The following RBMS3 variants were observed in gnomAD, a reference collection of about 807,000 sequenced individuals.
RBMS3 encodes RNA binding motif single stranded interacting protein 3.
RBMS3 carries 27 observed loss-of-function variants against 66.8 expected under a neutral mutation model. The ratio of observed to expected loss-of-function variants is 0.40; its 90% CI spans 0.30 to 0.56. The LOEUF (loss-of-function observed/expected upper bound fraction) is 0.56. RBMS3 is among the 20% of genes least tolerant of loss of function. The probability of loss-of-function intolerance (pLI) is 0.40; values close to 1 mark genes in which losing one functional copy is unlikely to be tolerated. For missense variants in RBMS3, 513 were observed against 549.5 expected, an observed-to-expected ratio of 0.93 and a Z score of 0.66; for synonymous variants, 188 against 183.0, an observed-to-expected ratio of 1.03 and a Z score of -0.22.
intron 6 of RBMS3, among the ~76,000 whole-genome samples, chr3:29,831,347 G>C (rs921751518): frequency 3.3e-5 from 5 of 152,072 alleles, no homozygotes; most frequent in African/African-American, 1.2e-4. Flanking sequence ...CTTGGTCATT[G>C]TCCCACATGG....
At chr3:29,644,358 T>C (rs1376038049) in intron 4 of RBMS3, among the ~76,000 whole-genome samples, 1 of 152,236 alleles carries the variant, frequency 6.6e-6, no homozygotes, top group Non-Finnish European at 1.5e-5. Context: ...ACAATGCTTT[T>C]ATTCCAGTAA....
chr3:29,608,723 A>G (rs2048393378), intron 4 of RBMS3, among the ~76,000 whole-genome samples: 1 of 152,060 alleles, frequency 6.6e-6, no homozygotes, highest in East Asian at 1.9e-4. Flanking sequence ...AAAACTGCTT[A>G]GGGAAAGTAT....
chr3:29,340,503 G>T (rs2036221047), intron 1 of RBMS3, among the ~76,000 whole-genome samples: 1 of 152,102 alleles, frequency 6.6e-6, no homozygotes, highest in African/African-American at 2.4e-5. Flanking sequence ...CAAATAAATT[G>T]AGTTTAATGA....
At chr3:29,913,348 A>G (rs530159269) in intron 10 of RBMS3, among the ~76,000 whole-genome samples, 1 of 152,006 alleles carries the variant, frequency 6.6e-6, no homozygotes, top group Admixed American at 6.6e-5. Context: ...CTATATCATC[A>G]GCAGAGAAAA....
intron 4 of RBMS3, among the ~76,000 whole-genome samples, chr3:29,638,671 G>A (rs2049565624): frequency 6.6e-6 from 1 of 151,794 alleles, no homozygotes; most frequent in Non-Finnish European, 1.5e-5. Flanking sequence ...TGCATTTTAG[G>A]TGAATGTTTT....
In RBMS3 at chr3:30,007,126, A is replaced by T. The variant is rs574325128; in HGVS notation, c.*3264A>T. 1 of 152,196 alleles carries T rather than the reference A, an allele frequency of 6.6e-6. No individual in the cohort carries two copies. The highest frequency in any genetic ancestry group is 1.5e-5 in the Non-Finnish European group (1 of 67,938). The allele number at this position is 152,196 out of a possible 1,614,324, so 9.4% of individuals were successfully genotyped here. A position where few individuals can be genotyped will look rare whatever the true frequency, so the allele number is the denominator to read the frequency against. On this transcript the variant is annotated 3_prime_UTR_variant, in exon 15 of 15. Coordinates refer to ENST00000383767, the MANE Select transcript of RBMS3 (RefSeq NM_001003793.3). ...TACCTAAGACTTGTTTTGAAGAGCC[A>T]AGTCTGGGAGAGAAAAAAAAGCATC...
chr3:29,703,246 C>T (rs990192717), intron 4 of RBMS3, among the ~76,000 whole-genome samples: 1 of 152,174 alleles, frequency 6.6e-6, no homozygotes, highest in Non-Finnish European at 1.5e-5. Flanking sequence ...CACTACGGAG[C>T]TGTACTGTCT....
At chr3:29,810,445 A>G (rs1350042694) in intron 6 of RBMS3, among the ~76,000 whole-genome samples, 1 of 152,184 alleles carries the variant, frequency 6.6e-6, no homozygotes, top group Non-Finnish European at 1.5e-5. Flanking sequence ...CTCCTTTCAG[A>G]TGACATTTCA....
chr3:29,834,268 A>G (rs2058447354), intron 6 of RBMS3, among the ~76,000 whole-genome samples: 1 of 152,136 alleles, frequency 6.6e-6, no homozygotes, highest in Non-Finnish European at 1.5e-5. Context: ...AAAACTCACC[A>G]GTAAAAGTAA....
intron 3 of RBMS3, among the ~76,000 whole-genome samples, chr3:29,498,290 C>T (rs529233237): frequency 5.9e-5 from 9 of 151,758 alleles, no homozygotes; most frequent in East Asian, 1.9e-4. Flanking sequence ...CCACTGAGGC[C>T]GGCCAAAAGT....
intron 4 of RBMS3, among the ~76,000 whole-genome samples, chr3:29,705,774 G>T (rs1021038066): frequency 6.6e-6 from 1 of 152,086 alleles, no homozygotes; most frequent in African/African-American, 2.4e-5. Context: ...TAACATATAT[G>T]ATATACAAAT....
At chr3:29,636,469 T>C (rs1350526582) in intron 4 of RBMS3, among the ~76,000 whole-genome samples, 1 of 151,926 alleles carries the variant, frequency 6.6e-6, no homozygotes, top group African/African-American at 2.4e-5. Flanking sequence ...TCACTGAAAC[T>C]ATTCAGGTAT....
intron 1 of RBMS3, among the ~76,000 whole-genome samples, chr3:29,308,656 T>C (rs550704783): frequency 7.3e-5 from 11 of 150,936 alleles, no homozygotes; most frequent in Middle Eastern, 3.4e-3. Context: ...TAGAATTACA[T>C]GTAAATGTCT....
intron 8 of RBMS3, among the ~76,000 whole-genome samples, chr3:29,888,961 C>A (rs773489179): frequency 3.3e-5 from 5 of 151,650 alleles, no homozygotes; most frequent in African/African-American, 4.8e-5. Flanking sequence ...TACCTCCCCC[C>A]ACGAACAATT....
At chr3:29,842,666 T>C (rs936489366) in intron 6 of RBMS3, among the ~76,000 whole-genome samples, 3 of 152,088 alleles carry the variant, frequency 2.0e-5, no homozygotes, top group Non-Finnish European at 4.4e-5. Context: ...ACTTAGGAGG[T>C]GTGATTAAGT....
rs74525028 is a variant in RBMS3 at position 29,282,269 on chromosome 3, C to T, written c.75+513C>T. Among the ~76,000 whole-genome samples the T allele has an allele frequency of 9.3e-3, 1,421 of 152,152 alleles. 26 individuals carry two copies. The highest frequency in any genetic ancestry group is 0.03 in the African/African-American group (1,252 of 41,516). On this transcript the variant is annotated intron_variant, in intron 1 of 14. Coordinates refer to ENST00000383767, the MANE Select transcript of RBMS3 (RefSeq NM_001003793.3). ...AGGTATAGGGCTCCTACCAGAGTCT[C>T]TGAGAGTTTATTTTTATTTTTAATT... is the stretch of plus-strand genomic sequence containing the variant.
Position 30,004,139 on chromosome 3 carries a change from A to G in RBMS3, c.*277A>G, listed in dbSNP as rs569523255. 6.2e-5 allele frequency: 18 copies of G among 289,722 alleles called. No homozygotes were observed. The highest frequency in any genetic ancestry group is 5.6e-4 in the East Asian group (10 of 17,944). The allele number at this position is 289,722 out of a possible 1,614,324, so 17.9% of individuals were successfully genotyped here. ...AAAAAAAAACTACAAAAAACAAAAC[A>G]TTGAAGGTTGATATTTTATGTGGAA... is the stretch of plus-strand genomic sequence containing the variant. On this transcript the variant is annotated 3_prime_UTR_variant, in exon 15 of 15. Coordinates refer to ENST00000383767, the MANE Select transcript of RBMS3 (RefSeq NM_001003793.3).
rs2048548331 is a variant in RBMS3, at chr3:29,613,128, A to T, written c.399+25923A>T. ...TCTTGAAATACTTAATAATTTTTTT[A>T]ATGTAATAATACTGCAATGAACATG... On this transcript the variant is annotated intron_variant, in intron 4 of 14. Coordinates refer to ENST00000383767, the MANE Select transcript of RBMS3 (RefSeq NM_001003793.3). Among the ~76,000 whole-genome samples, 4 of 152,058 alleles carry T rather than the reference A, an allele frequency of 2.6e-5. No individual in the cohort carries two copies. In the South Asian group the frequency reaches 6.2e-4, roughly 24 times the overall value.
chr3:29,839,403 A>G (rs985761753), intron 6 of RBMS3, among the ~76,000 whole-genome samples: 2 of 152,126 alleles, frequency 1.3e-5, no homozygotes, highest in African/African-American at 4.8e-5. Context: ...TATTTTGCTT[A>G]AAGTGTTGCA....
Sources: allele counts gnomAD v4.1 joint callset (sites outside exome capture counted in the v4.1 genomes callset), GRCh38; gene constraint gnomAD v4.1.1; transcripts MANE v1.5; gene names NCBI Gene and HGNC (gene_info 2026-07-23, HGNC 2026-07-21).